APBA1: variants seen among roughly 807,000 people sequenced by gnomAD.
The protein encoded by APBA1 is amyloid-beta A4 precursor protein-binding family A member 1.
A neutral mutation model predicts 86.6 loss-of-function variants in APBA1; 55 were observed. The ratio of observed to expected loss-of-function variants is 0.64; its 90% confidence interval spans 0.51 to 0.80. The LOEUF (loss-of-function observed/expected upper bound fraction) is 0.80. Ranked by LOEUF, APBA1 falls within the 30% of genes least tolerant of loss-of-function variation. APBA1 has a pLI of 0.00. For missense variants in APBA1, 1,090 were observed against 1,183.0 expected (o/e 0.92, Z 1.15); for synonymous variants, 511 against 493.9 (o/e 1.03, Z -0.46).
In APBA1 at chr9:69,484,947, A is replaced by G. The variant is rs1340503011; in HGVS notation, c.1201-8804T>C. 2.0e-5 allele frequency among the ~76,000 whole-genome samples: 3 copies of G among 151,946 alleles called. No homozygotes were observed. In the East Asian group the frequency reaches 5.8e-4, roughly 29 times the overall value. On this transcript the variant is annotated intron_variant, in intron 2 of 12. Transcript: ENST00000265381. The stretch of plus-strand genomic sequence containing the variant: ...ACAGCATCCCTCTAGTGTTGTGTGT[A>G]GAATATTCAACATGCAGTTTTTTTA...
chr9:69,652,115 G>A (rs1823515647), intron 1 of APBA1, among the ~76,000 whole-genome samples: 1 of 152,234 alleles, frequency 6.6e-6, no homozygotes, highest in Non-Finnish European at 1.5e-5. Flanking sequence ...GGCTTCAGGA[G>A]AAACCAGACC....
chr9:69,489,448 C>T (rs544281393), intron 2 of APBA1, among the ~76,000 whole-genome samples: 7 of 152,180 alleles, frequency 4.6e-5, no homozygotes, highest in African/African-American at 1.7e-4. Flanking sequence ...AACTGGATCC[C>T]TTTCTTACAC....
In APBA1 at chr9:69,516,075, C is replaced by G; in HGVS notation, c.1136G>C (p.Trp379Ser). 1.2e-6 allele frequency: 2 copies of G among 1,612,652 alleles called. No individual in the cohort carries two copies. Among genetic ancestry groups the G allele is most frequent in the Non-Finnish European group, 1.7e-6 (2 of 1,179,216 alleles). ...YTPDEPKEPI[W>S]VMRQDISPTR... ...GGGGCTAATGTCCTGGCGCATGACCCAGATGGGCTCTTTGGGCTCGTCGGG... is the reference window on the plus strand; with the variant it reads ...GGGGCTAATGTCCTGGCGCATGACCGAGATGGGCTCTTTGGGCTCGTCGGG... Residue 379 changes from tryptophan (W) to serine (S), a missense_variant, in exon 2 of 13, where the codon TGG (tryptophan) becomes TCG (serine). Transcript: ENST00000265381. This position sits in a 1 kb window ranked among gnomAD's most constrained non-coding sequence, Gnocchi z 7.3.
In APBA1 at chr9:69,637,317, G is replaced by C. The variant is rs540819845; in HGVS notation, c.-70+34836C>G. 3.1e-4 allele frequency among the ~76,000 whole-genome samples: 47 copies of C among 152,284 alleles called. No homozygotes were observed. In the South Asian group the frequency reaches 8.7e-3, roughly 28 times the overall value. ...CTAGTGTTTGATAGTACAACAGGGTGACTACAGTCAACAATAATTTATTAT... is the reference window on the plus strand; with the variant it reads ...CTAGTGTTTGATAGTACAACAGGGTCACTACAGTCAACAATAATTTATTAT... On this transcript the variant is annotated intron_variant, in intron 1 of 12. Transcript: ENST00000265381.
chr9:69,515,884 A>G lies in APBA1; in HGVS notation c.1200+127T>C, dbSNP rs906046249. 12 of 1,049,800 alleles carry G rather than the reference A, an allele frequency of 1.1e-5. No individual in the cohort carries two copies. The African/African-American group carries it at 1.2e-4, about 10-fold the overall frequency. The allele number at this position is 1,049,800 out of a possible 1,614,324, so 65.0% of individuals were successfully genotyped here. ...AAGCTGTTTCTGAGGCTTACGGTGGAAAAGTTCTTAGCGTCCCCACAGACT... is the reference window on the plus strand; with the variant it reads ...AAGCTGTTTCTGAGGCTTACGGTGGGAAAGTTCTTAGCGTCCCCACAGACT... On this transcript the variant is annotated intron_variant, in intron 2 of 12. Transcript: ENST00000265381.
At chr9:69,622,311 T>C (rs923282133) in intron 1 of APBA1, among the ~76,000 whole-genome samples, 2 of 152,120 alleles carry the variant, frequency 1.3e-5, no homozygotes, top group Admixed American at 6.5e-5. Flanking sequence ...CTCTAGAAAG[T>C]GAAACAAAGA....
At chr9:69,652,078 G>C (rs901507123) in intron 1 of APBA1, among the ~76,000 whole-genome samples, 1 of 152,192 alleles carries the variant, frequency 6.6e-6, no homozygotes, top group Non-Finnish European at 1.5e-5. Context: ...ACAGCAAGAG[G>C]GCAGCCACCT....
chr9:69,444,189 AT>A (rs1283719649), intron 10 of APBA1, among the ~76,000 whole-genome samples: 10 of 152,154 alleles, frequency 6.6e-5, no homozygotes, highest in African/African-American at 2.4e-4. Flanking sequence ...TAGCATTCAC[AT>A]TCATGTGGCA....
intron 3 of APBA1, among the ~76,000 whole-genome samples, chr9:69,474,742 T>C (rs910463026): frequency 6.6e-6 from 1 of 152,214 alleles, no homozygotes; most frequent in Non-Finnish European, 1.5e-5. Flanking sequence ...TCTATGTTTG[T>C]TTGTTTGGTT....
chr9:69,431,144 A>G lies in APBA1; in HGVS notation c.*183T>C, dbSNP rs1265866008. The G allele has an allele frequency of 4.2e-5, 9 of 216,082 alleles. No individual in the cohort carries two copies. The highest frequency in any genetic ancestry group is 1.7e-4 in the East Asian group (2 of 12,080). 13.4% of individuals were successfully genotyped at this position (216,082 alleles called of 1,614,324 possible). A position where few individuals can be genotyped will look rare whatever the true frequency, so the allele number is the denominator to read the frequency against. Reference sequence around the variant, plus strand: ...CATACGAAACTTCCCTGGTATTGAAAAAAAAAAAAAAAAAAAAGCAAATCG... The same window carrying G: ...CATACGAAACTTCCCTGGTATTGAAGAAAAAAAAAAAAAAAAAGCAAATCG... On this transcript the variant is annotated 3_prime_UTR_variant, in exon 13 of 13. Coordinates refer to ENST00000265381, the MANE Select transcript of APBA1 (RefSeq NM_001163.4).
At chr9:69,595,467 A>G (rs1822209206) in intron 1 of APBA1, among the ~76,000 whole-genome samples, 1 of 152,182 alleles carries the variant, frequency 6.6e-6, no homozygotes, top group African/African-American at 2.4e-5. Flanking sequence ...GCTTCGGACT[A>G]TGTCACACTT....
At chr9:69,469,156 T>C (rs1047936534) in intron 4 of APBA1, among the ~76,000 whole-genome samples, 6 of 152,230 alleles carry the variant, frequency 3.9e-5, no homozygotes, top group Admixed American at 1.3e-4. Flanking sequence ...CCACCATGCC[T>C]AGCCTTGTGT....
intron 1 of APBA1, among the ~76,000 whole-genome samples, chr9:69,621,075 T>C (rs571046339): frequency 6.6e-6 from 1 of 152,256 alleles, no homozygotes; most frequent in South Asian, 2.1e-4. Flanking sequence ...ATCTGTAAAA[T>C]GGAGTTGGAT....
rs750353332 is a variant in APBA1, at chr9:69,516,871, C to A, written c.340G>T (p.Asp114Tyr). ...TACTGCACAGCATAGGCGCTCTCGT[C>A]CTCGGGGTCCTGCGCGCGCTCCGCA... ...YDAERAQDPE[D>Y]ESAYAVQYRP... is the part of the protein sequence containing the mutation. The change falls in exon 2 of 13, where the codon GAC becomes TAC. Residue 114 changes from aspartate to tyrosine, a missense_variant. Coordinates refer to ENST00000265381, the MANE Select transcript of APBA1 (RefSeq NM_001163.4). This position sits in a 1 kb window ranked among gnomAD's most constrained non-coding sequence, Gnocchi z 7.3. 2 of 1,596,244 alleles carry A rather than the reference C, an allele frequency of 1.3e-6. No individual in the cohort carries two copies. Among genetic ancestry groups the A allele is most frequent in the South Asian group, 1.1e-5 (1 of 90,366 alleles).
chr9:69,596,705 T>A (rs1481286836), intron 1 of APBA1, among the ~76,000 whole-genome samples: 1 of 152,240 alleles, frequency 6.6e-6, no homozygotes, highest in Non-Finnish European at 1.5e-5. Flanking sequence ...ATCTTCCCTA[T>A]TCTGGTGCCA....
At chr9:69,658,270 T>TCTCTC (rs1564104841) in intron 1 of APBA1, among the ~76,000 whole-genome samples, 3 of 79,552 alleles carry the variant, frequency 3.8e-5, no homozygotes, top group African/African-American at 4.6e-5. Context: ...CTTTCTTTCT[T>TCTCTC]TCTTTCTTTC....
chr9:69,435,894 A>C (rs1470766547), intron 11 of APBA1, among the ~76,000 whole-genome samples: 2 of 152,130 alleles, frequency 1.3e-5, no homozygotes, highest in Non-Finnish European at 2.9e-5. Context: ...GGTATTGCCT[A>C]GGGTTTTTAT....
At chr9:69,490,051 A>G (rs1184760860) in intron 2 of APBA1, among the ~76,000 whole-genome samples, 1 of 152,118 alleles carries the variant, frequency 6.6e-6, no homozygotes, top group African/African-American at 2.4e-5. Flanking sequence ...CACTATTCAC[A>G]ATAGCAAAGA....
intron 1 of APBA1, among the ~76,000 whole-genome samples, chr9:69,554,651 A>T (rs1157866690): frequency 6.6e-6 from 1 of 152,178 alleles, no homozygotes; most frequent in African/African-American, 2.4e-5. Context: ...TGCCTCCATG[A>T]TACACCAGTC....
Sources: allele counts gnomAD v4.1 joint callset (sites outside exome capture counted in the v4.1 genomes callset), GRCh38; gene constraint gnomAD v4.1.1; non-coding constraint Gnocchi (gnomAD v3.1); transcripts MANE v1.5; gene names NCBI Gene and HGNC (gene_info 2026-07-23, HGNC 2026-07-21).